Variants in STAB2 observed in about 807,000 individuals in gnomAD.
The protein encoded by STAB2 is stabilin-2.
STAB2 carries 288 observed loss-of-function variants against 338.1 expected under a neutral mutation model. The ratio of observed to expected loss-of-function variants is 0.85; its 90% CI spans 0.77 to 0.94. The LOEUF is 0.94. Among genes scored for constraint, STAB2 ranks in the 40% least tolerant of loss-of-function variants. STAB2 has a pLI of 0.00. For missense variants in STAB2, 3,141 were observed against 3,210.1 expected, an observed-to-expected ratio of 0.98 and a Z score of 0.52; for synonymous variants, 1,202 against 1,193.3, an observed-to-expected ratio of 1.01 and a Z score of -0.15.
At chr12:103,601,764 A>G (rs138064796) in intron 3 of STAB2, among the ~76,000 whole-genome samples, 1,863 of 152,328 alleles carry the variant, frequency 0.012, 23 homozygotes, top group Non-Finnish European at 0.016. Context: ...AAAGTAGGAA[A>G]TTATATAACT....
At chr12:103,632,432 T>C (rs1957478079) in intron 6 of STAB2, among the ~76,000 whole-genome samples, 1 of 152,162 alleles carries the variant, frequency 6.6e-6, no homozygotes, top group Non-Finnish European at 1.5e-5. Flanking sequence ...CCGAGAAGTT[T>C]GCTGTTTTAT....
Position 103,620,573 on chromosome 12 carries a change from C to A in STAB2, c.417+20C>A. The A allele has an allele frequency of 6.5e-7, 1 of 1,549,976 alleles. No homozygotes were observed. Among genetic ancestry groups the A allele is most frequent in the South Asian group, 1.2e-5 (1 of 83,990 alleles). ...TGCCAAGTAAGTTCAAAAATGTGTT[C>A]TTCCTTTCCTGGTTTCTGCTCCCCA... On this transcript the variant is annotated intron_variant, in intron 4 of 68. Transcript: ENST00000388887.
At chr12:103,753,139 G>T (rs1593339141) in intron 60 of STAB2, 81 bp from the exon 61 acceptor site, 2 of 1,556,030 alleles carry the variant, frequency 1.3e-6, no homozygotes. Flanking sequence ...CCTTCATTTT[G>T]AAAGTCCTTC....
chr12:103,617,165 C>T (rs1466615930), intron 3 of STAB2, among the ~76,000 whole-genome samples: 1 of 152,104 alleles, frequency 6.6e-6, no homozygotes, highest in African/African-American at 2.4e-5. Context: ...AGATCTCTTC[C>T]CCTGACAACC....
Position 103,655,101 on chromosome 12 carries a change from T to C in STAB2, c.1552-150T>C, listed in dbSNP as rs1257232925. The C allele has an allele frequency of 3.9e-6, 3 of 767,088 alleles. No homozygotes were observed. In the East Asian group the frequency reaches 7.5e-5, roughly 19 times the overall value. The allele number at this position is 767,088 out of a possible 1,614,324, so 47.5% of individuals were successfully genotyped here. A position where few individuals can be genotyped will look rare whatever the true frequency, so the allele number is the denominator to read the frequency against. ...ACTACTGTTTCAACGACAGCGAACA[T>C]TTATATAATGCATTGCAGTTGACCA... On this transcript the variant is annotated intron_variant, in intron 13 of 68. Transcript: ENST00000388887.
rs747135113 is a variant in STAB2 at position 103,725,092 on chromosome 12, C to T, written c.4801C>T (p.Gln1601Ter). 3 of 1,612,232 alleles carry T rather than the reference C, an allele frequency of 1.9e-6. No homozygotes were observed. Among genetic ancestry groups the T allele is most frequent in the Middle Eastern group, 1.6e-4 (1 of 6,068 alleles). ...ATTTACCTGCCGCGGCAGCATTTAT[C>T]AGGTAACGCGAGACATGTTTCCATC... ...DGFTCRGSIY[Q>*]ELPKNPKTSQ... The change falls in exon 45 of 69, where the codon CAG becomes TAG. Residue 1601 changes from glutamine (Q) to a stop codon, truncating the protein, a stop_gained and splice_region_variant. Transcript: ENST00000388887. LOFTEE classifies it high-confidence loss of function.
chr12:103,623,104 G>A (rs1957327976), intron 5 of STAB2, among the ~76,000 whole-genome samples: 1 of 152,168 alleles, frequency 6.6e-6, no homozygotes, highest in Admixed American at 6.5e-5. Context: ...GGTGATCCCA[G>A]GAAACACGAG....
chr12:103,719,755 CCTTAGGACAGTT>C (rs112946025), intron 44 of STAB2, among the ~76,000 whole-genome samples: 3,732 of 152,286 alleles, frequency 0.025, 158 homozygotes, highest in African/African-American at 0.086. Flanking sequence ...TGCATCCAGT[CCTTAGGACAGTT>C]CAACCCACTA....
In STAB2 at chr12:103,717,799, T is replaced by G. The variant is rs1042966008; in HGVS notation, c.4641T>G (p.Thr1547=). The G allele has an allele frequency of 8.1e-6, 13 of 1,613,968 alleles. No homozygotes were observed. Among genetic ancestry groups the G allele is most frequent in the Non-Finnish European group, 1.1e-5 (13 of 1,179,994 alleles). The change falls in exon 44 of 69, where the codon ACT becomes ACG. Residue 1547 remains threonine (T), a synonymous_variant. Transcript: ENST00000388887. ...QAACNCLPAY[T]GDGKVCTLIN... Reference sequence around the variant, plus strand: ...CCTGTAACTGTTTGCCAGCATACACTGGAGATGGAAAGGTCTGCACACTCA... The same window carrying G: ...CCTGTAACTGTTTGCCAGCATACACGGGAGATGGAAAGGTCTGCACACTCA...
chr12:103,662,793 A>G (rs1874733573), intron 17 of STAB2, 53 bp from the exon 18 acceptor site: 9 of 1,578,310 alleles, frequency 5.7e-6, no homozygotes, highest in Middle Eastern at 3.4e-4. Flanking sequence ...GATCACTGGC[A>G]GTCCTGCAGT....
chr12:103,737,598 CTCTTTCTCTT>C lies in STAB2; in HGVS notation c.5551-34_5551-25del, dbSNP rs766270751. ...TTTCTCTCTCTCTCTCTCTCTCTCT[CTCTTTCTCTT>C]TTTTTTTTTTTTTTTTCTTTCTTAG... On this transcript the variant is annotated intron_variant, in intron 52 of 68. Coordinates refer to ENST00000388887, the MANE Select transcript of STAB2 (RefSeq NM_017564.10). The C allele has an allele frequency of 1.2e-3, 1,451 of 1,252,788 alleles. 31 individuals are homozygous for C. The highest frequency in any genetic ancestry group is 1.3e-3 in the Non-Finnish European group (1,247 of 936,818). The allele number at this position is 1,252,788 out of a possible 1,614,324, so 77.6% of individuals were successfully genotyped here.
intron 13 of STAB2, 124 bp from the exon 14 acceptor site, chr12:103,655,127 G>A: frequency 1.1e-6 from 1 of 925,490 alleles, no homozygotes; most frequent in Non-Finnish European, 1.7e-6. Flanking sequence ...CAGTTGACCA[G>A]GTTCATTTAT....
intron 15 of STAB2, among the ~76,000 whole-genome samples, chr12:103,656,037 T>G (rs997140748): frequency 6.6e-6 from 1 of 152,218 alleles, no homozygotes; most frequent in African/African-American, 2.4e-5. Context: ...TTCCTTTCCT[T>G]TCTATTGCTT....
chr12:103,638,138 G>A lies in STAB2; in HGVS notation c.832G>A (p.Val278Met), dbSNP rs1295983068. 1.2e-6 allele frequency: 2 copies of A among 1,614,216 alleles called. No homozygotes were observed. The highest frequency in any genetic ancestry group is 1.7e-6 in the Non-Finnish European group (2 of 1,180,038). The change falls in exon 8 of 69, where the codon GTG (valine) becomes ATG (methionine). Residue 278 changes from valine to methionine, a missense_variant. Transcript: ENST00000388887. ...TGGGGATGGCCAAGTGTGCTTGCCT[G>A]TGGACCCCTGCCAAATTAACTTTGG... ...YRGDGQVCLP[V>M]DPCQINFGNC...
In STAB2 at chr12:103,638,107, C is replaced by T. The variant is rs972049773; in HGVS notation, c.801C>T (p.Gly267=). The T allele has an allele frequency of 1.9e-6, 3 of 1,614,078 alleles. No homozygotes were observed. Among genetic ancestry groups the T allele is most frequent in the East Asian group, 4.5e-5 (2 of 44,900 alleles). Residue 267 remains glycine (G), a synonymous_variant, in exon 8 of 69, where the codon GGC becomes GGT. Coordinates refer to ENST00000388887, the MANE Select transcript of STAB2 (RefSeq NM_017564.10). The part of the protein sequence containing the change: ...PNRHSCTCQE[G]YRGDGQVCLP... The stretch of plus-strand genomic sequence containing the variant: ...GGCACAGTTGTACATGCCAAGAAGG[C>T]TACCGTGGGGATGGCCAAGTGTGCT...
intron 22 of STAB2, among the ~76,000 whole-genome samples, 164 bp downstream of exon 22, chr12:103,670,971 C>A (rs1360034741): frequency 6.6e-6 from 1 of 152,194 alleles, no homozygotes; most frequent in South Asian, 2.1e-4. Flanking sequence ...GAGCGTGTGT[C>A]AGAGGGCTGA....
intron 22 of STAB2, among the ~76,000 whole-genome samples, chr12:103,672,259 C>A (rs1055840235): frequency 5.3e-5 from 8 of 152,178 alleles, no homozygotes; most frequent in Non-Finnish European, 1.2e-4. Flanking sequence ...GCTACTGAAC[C>A]CTTTCCAATG....
In STAB2 at chr12:103,707,899, TC is replaced by T. The variant is rs1879507536; in HGVS notation, c.4193-540del. 2.0e-5 allele frequency among the ~76,000 whole-genome samples: 3 copies of T among 152,336 alleles called. No individual in the cohort carries two copies. In the South Asian group the frequency reaches 6.2e-4, roughly 32 times the overall value. On this transcript the variant is annotated intron_variant, in intron 38 of 68. Coordinates refer to ENST00000388887, the MANE Select transcript of STAB2 (RefSeq NM_017564.10). ...TATCTGCTTGCATTTGTGCATGAGT[TC>T]CTAAAATGGGATTTGTAGATGACCC...
intron 55 of STAB2, among the ~76,000 whole-genome samples, chr12:103,741,464 CTTTT>C (rs1450226355): frequency 6.6e-6 from 1 of 152,056 alleles, no homozygotes; most frequent in Non-Finnish European, 1.5e-5. Context: ...TCCCCACTGA[CTTTT>C]TTTGAGAGAG....
Sources: allele counts gnomAD v4.1 joint callset (sites outside exome capture counted in the v4.1 genomes callset), GRCh38; gene constraint gnomAD v4.1.1; transcripts MANE v1.5; gene names NCBI Gene and HGNC (gene_info 2026-07-23, HGNC 2026-07-21).